The following CD38 variants were observed in gnomAD, a reference collection of about 807,000 sequenced individuals.
CD38 encodes ADP-ribosyl cyclase/cyclic ADP-ribose hydrolase 1.
CD38 carries 31 observed loss-of-function variants against 36.3 expected under a neutral mutation model. The ratio of observed to expected loss-of-function variants is 0.85; its 90% CI spans 0.64 to 1.15. The LOEUF (loss-of-function observed/expected upper bound fraction) is 1.15, where lower values mean the gene tolerates loss of function less well. CD38 is among the 50% of genes most tolerant of loss of function. The pLI is 0.00. For missense variants in CD38, 380 were observed against 371.9 expected (o/e 1.02, Z -0.18); for synonymous variants, 131 against 135.2 (o/e 0.97, Z 0.22).
chr4:15,783,715 T>C (rs80331797), intron 1 of CD38, among the ~76,000 whole-genome samples: 190 of 152,368 alleles, frequency 1.2e-3, no homozygotes, highest in African/African-American at 4.3e-3. Context: ...TGATCACTTC[T>C]GTGCCCACAA....
intron 1 of CD38, among the ~76,000 whole-genome samples, chr4:15,815,431 T>C (rs893865080): frequency 2.0e-5 from 3 of 152,136 alleles, no homozygotes; most frequent in Non-Finnish European, 2.9e-5. Context: ...TTTGTGTCCT[T>C]TATTTCCTTG....
intron 3 of CD38, among the ~76,000 whole-genome samples, chr4:15,831,797 A>G (rs1249688632): frequency 2.0e-5 from 3 of 151,876 alleles, no homozygotes; most frequent in Non-Finnish European, 4.4e-5. Context: ...GTGTTCTATA[A>G]CCTTCTTGTA....
chr4:15,833,144 G>C (rs983449801), intron 3 of CD38, among the ~76,000 whole-genome samples: 2 of 152,110 alleles, frequency 1.3e-5, no homozygotes, highest in African/African-American at 4.8e-5. Context: ...TCTGGCCCAG[G>C]GCAGGCCCAG....
chr4:15,802,211 C>T (rs1346989934), intron 1 of CD38, among the ~76,000 whole-genome samples: 1 of 152,032 alleles, frequency 6.6e-6, no homozygotes. Flanking sequence ...AAAACCTCCA[C>T]CTAGGAGTAA....
In CD38 at chr4:15,850,723, C is replaced by T. The variant is rs2148930787; in HGVS notation, c.*2121C>T. The T allele has an allele frequency of 6.6e-6, 1 of 152,278 alleles. No homozygotes were observed. Among genetic ancestry groups the T allele is most frequent in the African/African-American group, 2.4e-5 (1 of 41,526 alleles). 9.4% of individuals were successfully genotyped at this position (152,278 alleles called of 1,614,324 possible). ...TAGCCCCTTCTCCCCTGGCAGACATCCTTGTGGGAGTTTAGTCTTGGCTCG... is the reference window on the plus strand; with the variant it reads ...TAGCCCCTTCTCCCCTGGCAGACATTCTTGTGGGAGTTTAGTCTTGGCTCG... On this transcript the variant is annotated 3_prime_UTR_variant, in exon 8 of 8. Coordinates refer to ENST00000226279, the MANE Select transcript of CD38 (RefSeq NM_001775.4).
chr4:15,829,579 A>G (rs1723919482), intron 3 of CD38, among the ~76,000 whole-genome samples: 1 of 152,250 alleles, frequency 6.6e-6, no homozygotes, highest in Non-Finnish European at 1.5e-5. Flanking sequence ...CAAAGCTGTC[A>G]TGGGCTGCTT....
At position 15,786,231 on chromosome 4, in the gene CD38, C is replaced by A. The variant is rs569257220; in HGVS notation, c.233+7584C>A. Among the ~76,000 whole-genome samples, 9 of 152,316 alleles carry A rather than the reference C, an allele frequency of 5.9e-5. No individual in the cohort carries two copies. The South Asian group carries it at 6.2e-4, about 11-fold the overall frequency. On this transcript the variant is annotated intron_variant, in intron 1 of 7. Coordinates refer to ENST00000226279, the MANE Select transcript of CD38 (RefSeq NM_001775.4). The stretch of plus-strand genomic sequence containing the variant: ...AATGGGTTGCCAGTGTTGGCTCCCC[C>A]CAGCCTGCTTTTATTCCCTTATCTG...
intron 1 of CD38, among the ~76,000 whole-genome samples, chr4:15,784,362 C>G (rs148657449): frequency 6.6e-6 from 1 of 152,146 alleles, no homozygotes; most frequent in African/African-American, 2.4e-5. Flanking sequence ...AGAGGGTGCT[C>G]TGGAGAGTGT....
intron 4 of CD38, among the ~76,000 whole-genome samples, chr4:15,836,630 T>TA (rs1484442245): frequency 1.3e-5 from 2 of 152,218 alleles, no homozygotes; most frequent in African/African-American, 2.4e-5. Context: ...GTTACAGACC[T>TA]AAGAGCCTAA....
At chr4:15,780,021 G>A (rs1722655709) in intron 1 of CD38, among the ~76,000 whole-genome samples, 1 of 152,166 alleles carries the variant, frequency 6.6e-6, no homozygotes, top group South Asian at 2.1e-4. Flanking sequence ...AGCTACTGAT[G>A]ACACAAGAGT....
chr4:15,786,143 A>G (rs927591401), intron 1 of CD38, among the ~76,000 whole-genome samples: 1 of 152,222 alleles, frequency 6.6e-6, no homozygotes, highest in African/African-American at 2.4e-5. Flanking sequence ...AGCAGCAGCA[A>G]GATTTATTGC....
chr4:15,805,112 T>C (rs1723313566), intron 1 of CD38, among the ~76,000 whole-genome samples: 1 of 152,218 alleles, frequency 6.6e-6, no homozygotes, highest in South Asian at 2.1e-4. Context: ...GTAGGAAGCT[T>C]ATATATTCTG....
chr4:15,811,545 GAA>G (rs1723470495), intron 1 of CD38, among the ~76,000 whole-genome samples: 1 of 150,724 alleles, frequency 6.6e-6, no homozygotes. Context: ...TTTTCCCATT[GAA>G]TGGCCTTGGC....
intron 2 of CD38, 148 bp downstream of exon 2, chr4:15,816,788 C>T (rs1723608126): frequency 3.7e-6 from 3 of 803,314 alleles, no homozygotes; most frequent in East Asian, 2.7e-5. Context: ...AATTTGCAGG[C>T]CATTGAGGGG....
rs376483003 is a variant in CD38, at chr4:15,813,234, G to A, written c.234-3277G>A. ...GGAGCATCCAGTCTTTTGCCATTAT[G>A]TATAATGTTAGCTGTGGGGTTTAAT... On this transcript the variant is annotated intron_variant, in intron 1 of 7. Transcript: ENST00000226279. 3.3e-5 allele frequency among the ~76,000 whole-genome samples: 5 copies of A among 152,274 alleles called. No homozygotes were observed. In the East Asian group the frequency reaches 9.6e-4, roughly 29 times the overall value.
At chr4:15,779,571 C>T (rs901009668) in intron 1 of CD38, among the ~76,000 whole-genome samples, 6 of 152,114 alleles carry the variant, frequency 3.9e-5, no homozygotes, top group Non-Finnish European at 8.8e-5. Context: ...TTAAGCAATC[C>T]GAGGAAACGA....
At chr4:15,786,792 G>C (rs979350371) in intron 1 of CD38, among the ~76,000 whole-genome samples, 1 of 152,224 alleles carries the variant, frequency 6.6e-6, no homozygotes, top group Non-Finnish European at 1.5e-5. Context: ...GGTGCTCGTC[G>C]GGGAGGCTCC....
At chr4:15,848,436 G>A (rs1336998539) in intron 7 of CD38, 103 bp from the exon 8 acceptor site, 3 of 757,590 alleles carry the variant, frequency 4.0e-6, no homozygotes, top group Non-Finnish European at 7.0e-6. Context: ...TAAGTGGTCT[G>A]TGCACCTTGT....
intron 1 of CD38, among the ~76,000 whole-genome samples, chr4:15,785,191 T>C (rs558024526): frequency 6.6e-6 from 1 of 152,166 alleles, no homozygotes; most frequent in African/African-American, 2.4e-5. Flanking sequence ...CAGTTACCTG[T>C]GGAAGGAAGG....
Sources: allele counts gnomAD v4.1 joint callset (sites outside exome capture counted in the v4.1 genomes callset), GRCh38; gene constraint gnomAD v4.1.1; transcripts MANE v1.5; gene names NCBI Gene and HGNC (gene_info 2026-07-23, HGNC 2026-07-21).